The following AQR variants were observed in gnomAD, a reference collection of about 807,000 sequenced individuals.
The protein encoded by AQR is aquarius intron-binding spliceosomal factor.
In AQR, 61 loss-of-function variants were observed where a neutral mutation model predicts 180.5. That is an observed-to-expected ratio of 0.34 (90% CI 0.28 to 0.42). The LOEUF (loss-of-function observed/expected upper bound fraction) is 0.42. Among genes scored for constraint, AQR ranks in the 10% least tolerant of loss-of-function variants. The pLI, the probability that AQR is intolerant of heterozygous loss-of-function variation, is 1.00. For synonymous variants in AQR, 551 were observed against 588.8 expected (o/e 0.94, Z 0.93); for missense variants, 1,281 against 1,798.3 (o/e 0.71, Z 5.20).
rs192986260 is a variant in AQR, at chr15:34,886,466, A to T, written c.2817+60T>A. ...ATGAAGGATCACAAGAACTCATTCC[A>T]GCTTCCAACTGGGGTTCATATTATG... On this transcript the variant is annotated intron_variant, in intron 25 of 34. Transcript: ENST00000156471. 3.7e-5 allele frequency: 56 copies of T among 1,527,178 alleles called. No homozygotes were observed. The East Asian group carries it at 6.0e-4, about 16-fold the overall frequency. 94.6% of individuals were successfully genotyped at this position (1,527,178 alleles called of 1,614,324 possible). A position where few individuals can be genotyped will look rare whatever the true frequency, so the allele number is the denominator to read the frequency against.
chr15:34,905,247 A>G (rs892349106), intron 18 of AQR, among the ~76,000 whole-genome samples: 1 of 152,050 alleles, frequency 6.6e-6, no homozygotes, highest in Non-Finnish European at 1.5e-5. Flanking sequence ...TAGCAATGAT[A>G]TAATCTCTAA....
At chr15:34,868,425 T>C (rs1172166724) in intron 31 of AQR, 2 of 152,212 alleles carry the variant, frequency 1.3e-5, no homozygotes, top group African/African-American at 4.8e-5. Flanking sequence ...CTCAGACATT[T>C]ATCTTTTCAT....
intron 27 of AQR, among the ~76,000 whole-genome samples, chr15:34,878,324 T>C (rs1264362421): frequency 7.2e-6 from 1 of 138,838 alleles, no homozygotes; most frequent in Non-Finnish European, 1.5e-5. Flanking sequence ...AGGCAGAGGT[T>C]GCAGTGAGCC....
intron 13 of AQR, among the ~76,000 whole-genome samples, chr15:34,926,398 GT>G (rs965573099): frequency 1.3e-5 from 2 of 152,114 alleles, no homozygotes; most frequent in African/African-American, 4.8e-5. Context: ...GTAGTTAAAA[GT>G]TAGGGCTTGG....
Position 34,856,457 on chromosome 15 carries a change from C to A in AQR, c.*335G>T, listed in dbSNP as rs942341089. The A allele has an allele frequency of 1.7e-5, 7 of 401,150 alleles. No homozygotes were observed. The highest frequency in any genetic ancestry group is 3.1e-5 in the Non-Finnish European group (7 of 227,550). The allele number at this position is 401,150 out of a possible 1,614,324, so 24.8% of individuals were successfully genotyped here. A position where few individuals can be genotyped will look rare whatever the true frequency, so the allele number is the denominator to read the frequency against. On this transcript the variant is annotated 3_prime_UTR_variant, in exon 35 of 35. Transcript: ENST00000156471. ...TATTCGTGGTTAAGTCCAGTATATT[C>A]TGTCCTCTTCTTTAGAGAAGTTCAC... is the stretch of plus-strand genomic sequence containing the variant.
chr15:34,942,144 T>A, intron 6 of AQR, 64 bp from the exon 7 acceptor site: 2 of 1,271,754 alleles, frequency 1.6e-6, no homozygotes, highest in Non-Finnish European at 2.2e-6. Context: ...AGTCTTTACA[T>A]AAGAAGTATA....
intron 32 of AQR, among the ~76,000 whole-genome samples, chr15:34,865,101 T>C (rs1433401812): frequency 2.0e-5 from 3 of 152,098 alleles, no homozygotes; most frequent in Non-Finnish European, 4.4e-5. Flanking sequence ...TGGAGTTATG[T>C]CTTGAAAGCA....
intron 21 of AQR, 29 bp downstream of exon 21, chr15:34,897,530 A>G (rs749520346): frequency 1.2e-6 from 2 of 1,609,638 alleles, no homozygotes; most frequent in South Asian, 1.1e-5. Flanking sequence ...ATTGTTCATC[A>G]TTACAATTAT....
chr15:34,891,272 CA>C (rs1893143612), intron 23 of AQR, among the ~76,000 whole-genome samples: 2 of 152,102 alleles, frequency 1.3e-5, no homozygotes, highest in Admixed American at 1.3e-4. Flanking sequence ...ACTCACTATC[CA>C]AACCTTCACT....
intron 4 of AQR, among the ~76,000 whole-genome samples, chr15:34,951,527 C>A (rs1223809238): frequency 2.6e-5 from 4 of 151,976 alleles, no homozygotes; most frequent in Non-Finnish European, 4.4e-5. Context: ...AAAAATTAGC[C>A]AGGCGTGATG....
intron 26 of AQR, among the ~76,000 whole-genome samples, chr15:34,883,529 C>T (rs1893007414): frequency 6.6e-6 from 1 of 152,076 alleles, no homozygotes; most frequent in African/African-American, 2.4e-5. Flanking sequence ...TCTGTACCTA[C>T]CATCCATCCA....
intron 31 of AQR, chr15:34,869,483 T>G (rs1314447056): frequency 1.3e-5 from 2 of 152,192 alleles, no homozygotes; most frequent in Admixed American, 1.3e-4. Context: ...TGGGCTCACA[T>G]GCTGACATTA....
rs550301235 is a variant in AQR, at chr15:34,944,540, G to A, written c.331-112C>T. On this transcript the variant is annotated intron_variant, in intron 5 of 34. Transcript: ENST00000156471. The stretch of plus-strand genomic sequence containing the variant: ...TTAAAAAAACCAAATAATTACAAAA[G>A]GGTTATTTGTATATGTATAAAAGAA... 497 of 1,082,122 alleles carry A rather than the reference G, an allele frequency of 4.6e-4. 1 individual carries two copies. Among genetic ancestry groups the A allele is most frequent in the Non-Finnish European group, 4.2e-4 (331 of 778,874 alleles). The allele number at this position is 1,082,122 out of a possible 1,614,324, so 67.0% of individuals were successfully genotyped here.
intron 2 of AQR, among the ~76,000 whole-genome samples, chr15:34,961,256 G>A (rs1366009655): frequency 2.0e-5 from 3 of 152,094 alleles, no homozygotes; most frequent in Non-Finnish European, 1.5e-5. Flanking sequence ...AAATGAATAT[G>A]ATAGAGCTTC....
chr15:34,897,146 T>C (rs1046169685), intron 21 of AQR, among the ~76,000 whole-genome samples, 180 bp from the exon 22 acceptor site: 1 of 152,190 alleles, frequency 6.6e-6, no homozygotes, highest in African/African-American at 2.4e-5. Flanking sequence ...AATGGAATTA[T>C]AGTTATTTTT....
chr15:34,891,594 C>G (rs1214790785), intron 23 of AQR, among the ~76,000 whole-genome samples: 2 of 152,170 alleles, frequency 1.3e-5, no homozygotes, highest in Middle Eastern at 3.4e-3. Flanking sequence ...TTGTGCTATA[C>G]AAATCAATCA....
chr15:34,916,882 CAAAAAAAAAAAA>C (rs71119988), intron 15 of AQR, among the ~76,000 whole-genome samples: 1 of 79,236 alleles, frequency 1.3e-5, no homozygotes, highest in Admixed American at 1.4e-4. Flanking sequence ...TTCAGCAGAA[CAAAAAAAAAAAA>C]AAAAAAAGAA....
In AQR at chr15:34,856,478, T is replaced by C; in HGVS notation, c.*314A>G. 1 of 402,446 alleles carries C rather than the reference T, an allele frequency of 2.5e-6. No homozygotes were observed. The highest frequency in any genetic ancestry group is 4.4e-6 in the Non-Finnish European group (1 of 228,236). 24.9% of individuals were successfully genotyped at this position (402,446 alleles called of 1,614,324 possible). ...TATTCTGTCCTCTTCTTTAGAGAAG[T>C]TCACTAAAAATGTGAAGTATATATT... On this transcript the variant is annotated 3_prime_UTR_variant, in exon 35 of 35. Coordinates refer to ENST00000156471, the MANE Select transcript of AQR (RefSeq NM_014691.3).
At chr15:34,874,118 G>A in intron 29 of AQR, 119 bp from the exon 30 acceptor site, 11 of 1,089,212 alleles carry the variant, frequency 1.0e-5, no homozygotes, top group Non-Finnish European at 1.1e-5. Flanking sequence ...TAGCCATTTT[G>A]GCTCATCTTT....
Sources: gnomAD v4.1 joint callset for allele counts (sites outside exome capture counted in the v4.1 genomes callset) on GRCh38, gnomAD v4.1.1 for gene constraint, MANE v1.5 for transcripts, NCBI Gene and HGNC (gene_info 2026-07-23, HGNC 2026-07-21) for gene names.